Variants in MBTD1 observed in about 807,000 individuals in gnomAD.
MBTD1 encodes mbt domain containing 1, also known as MBT domain-containing protein 1.
In MBTD1, 24 loss-of-function variants were observed where a neutral mutation model predicts 87.8. The ratio of observed to expected loss-of-function variants is 0.27; its 90% CI spans 0.20 to 0.38. MBTD1 has a LOEUF of 0.38. Among genes scored for constraint, MBTD1 ranks in the 10% least tolerant of loss-of-function variants. MBTD1 has a pLI of 1.00. For synonymous variants in MBTD1, 237 were observed against 248.6 expected, an observed-to-expected ratio of 0.95 and a Z score of 0.44; for missense variants, 436 against 760.2, an observed-to-expected ratio of 0.57 and a Z score of 5.02.
chr17:51,218,597 T>C (rs1020439129), intron 5 of MBTD1, among the ~76,000 whole-genome samples: 4 of 150,948 alleles, frequency 2.6e-5, no homozygotes, highest in Non-Finnish European at 5.9e-5. Context: ...CTCTTACTAC[T>C]CTTCTTCCCT....
chr17:51,188,688 G>A lies in MBTD1; in HGVS notation c.1768+3515C>T, dbSNP rs550778806. On this transcript the variant is annotated intron_variant, in intron 16 of 16. Transcript: ENST00000586178. ...AATAAGAGGCGGCGGCACCATTAGA[G>A]TGAAAACTGCTGCTTCTTAATACGG... Among the ~76,000 whole-genome samples, 10 of 150,850 alleles carry A rather than the reference G, an allele frequency of 6.6e-5. No homozygotes were observed. The South Asian group carries it at 2.1e-3, about 32-fold the overall frequency.
chr17:51,235,869 G>A (rs2053800469), intron 2 of MBTD1, among the ~76,000 whole-genome samples: 1 of 152,154 alleles, frequency 6.6e-6, no homozygotes, highest in African/African-American at 2.4e-5. Context: ...GAAGAACAAA[G>A]TTAAGACTAA....
rs71149353 is a variant in MBTD1, at chr17:51,210,757, AAACAACAACAAC to A, written c.487-3764_487-3753del. 2.9e-3 allele frequency among the ~76,000 whole-genome samples: 432 copies of A among 149,696 alleles called. 1 individual carries two copies. The South Asian group carries it at 0.035, about 12-fold the overall frequency. ...GGCAACAGAGCAAGACTCTGTCTCAAAACAACAACAACAACAACAACAACAACAACAACAACA... is the reference window on the plus strand; with the variant it reads ...GGCAACAGAGCAAGACTCTGTCTCAAAACAACAACAACAACAACAACAACA... On this transcript the variant is annotated intron_variant, in intron 6 of 16. Coordinates refer to ENST00000586178, the MANE Select transcript of MBTD1 (RefSeq NM_017643.3).
intron 2 of MBTD1, chr17:51,250,063 TAAAC>T (rs2054686229): frequency 6.7e-6 from 1 of 149,038 alleles, no homozygotes; most frequent in Non-Finnish European, 1.5e-5. Context: ...CCTGGCTAAT[TAAAC>T]ACTTTTTTTT....
At chr17:51,181,996 T>C (rs1164770387) in intron 16 of MBTD1, among the ~76,000 whole-genome samples, 1 of 152,148 alleles carries the variant, frequency 6.6e-6, no homozygotes, top group African/African-American at 2.4e-5. Context: ...TCTTTTGTGC[T>C]AACACATCCA....
At chr17:51,223,365 G>A (rs929518378) in intron 3 of MBTD1, among the ~76,000 whole-genome samples, 8 of 150,066 alleles carry the variant, frequency 5.3e-5, no homozygotes, top group African/African-American at 1.5e-4. Context: ...AAAATTGCCC[G>A]TCTCTGAAAA....
intron 3 of MBTD1, among the ~76,000 whole-genome samples, chr17:51,223,932 C>A (rs1598376556): frequency 6.6e-6 from 1 of 152,192 alleles, no homozygotes; most frequent in East Asian, 1.9e-4. Context: ...AAGTTAACTG[C>A]AGTAAGACTG....
chr17:51,259,828 C>G lies in MBTD1; in HGVS notation c.-113+7G>C. The G allele has an allele frequency of 5.7e-6, 7 of 1,232,466 alleles. No homozygotes were observed. Among genetic ancestry groups the G allele is most frequent in the Non-Finnish European group, 7.1e-6 (7 of 988,292 alleles). The allele number at this position is 1,232,466 out of a possible 1,614,324, so 76.3% of individuals were successfully genotyped here. On this transcript the variant is annotated splice_region_variant and intron_variant, in intron 1 of 16. Coordinates refer to ENST00000586178, the MANE Select transcript of MBTD1 (RefSeq NM_017643.3). ...CACACAAAGCGGCTGCCGCGCTCGG[C>G]TCTCACCAGATCCTTTGTGTTTTCC...
chr17:51,239,368 T>A (rs1011997165), intron 2 of MBTD1, among the ~76,000 whole-genome samples: 1 of 152,224 alleles, frequency 6.6e-6, no homozygotes, highest in Non-Finnish European at 1.5e-5. Context: ...GGTTATAGGT[T>A]TTTACCATAA....
intron 2 of MBTD1, among the ~76,000 whole-genome samples, chr17:51,255,760 A>ATTTTTGTAATTT (rs2055052721): frequency 6.6e-6 from 1 of 151,802 alleles, no homozygotes; most frequent in Admixed American, 6.6e-5. Context: ...ACCACACCTA[A>ATTTTTGTAATTT]TTTTTGTAAT....
intron 2 of MBTD1, among the ~76,000 whole-genome samples, chr17:51,248,403 C>A (rs78896933): frequency 0.01 from 1,544 of 152,230 alleles, 35 homozygotes; most frequent in African/African-American, 0.035. Flanking sequence ...TTCTTATCAT[C>A]ATTTTCCAGA....
chr17:51,215,927 AT>A (rs35988235), intron 6 of MBTD1, among the ~76,000 whole-genome samples: 1,198 of 114,180 alleles, frequency 0.01, 6 homozygotes, highest in African/African-American at 0.028. Context: ...TAAAGCCCTA[AT>A]TTTTTTTTTT....
At chr17:51,208,097 CTCCTACTTTGGTGGAT>C (rs1352251893) in intron 6 of MBTD1, among the ~76,000 whole-genome samples, 1 of 152,232 alleles carries the variant, frequency 6.6e-6, no homozygotes, top group African/African-American at 2.4e-5. Context: ...TGCAAGGCCC[CTCCTACTTTGGTGGAT>C]GCTCACCCAA....
At position 51,181,665 on chromosome 17, in the gene MBTD1, C is replaced by T. The variant is rs541835199; in HGVS notation, c.1769-971G>A. 7.9e-5 allele frequency among the ~76,000 whole-genome samples: 12 copies of T among 152,162 alleles called. 1 individual carries two copies. The South Asian group carries it at 2.5e-3, about 32-fold the overall frequency. ...GAGTGAGACCCTGTGTACCTCTCCT[C>T]CTACCAAGAAAAACTAATATTAAAC... On this transcript the variant is annotated intron_variant, in intron 16 of 16. Coordinates refer to ENST00000586178, the MANE Select transcript of MBTD1 (RefSeq NM_017643.3).
intron 2 of MBTD1, among the ~76,000 whole-genome samples, chr17:51,229,294 TAC>T (rs1210534308): frequency 1.3e-5 from 2 of 152,116 alleles, no homozygotes; most frequent in Non-Finnish European, 2.9e-5. Flanking sequence ...GCTACACAGA[TAC>T]AGTTTTTTTT....
chr17:51,252,082 T>C (rs2144218499), intron 2 of MBTD1, among the ~76,000 whole-genome samples: 1 of 152,344 alleles, frequency 6.6e-6, no homozygotes, highest in African/African-American at 2.4e-5. Flanking sequence ...ACTATTTTTG[T>C]TACTGATCTG....
At chr17:51,181,411 CA>C (rs2050308464) in intron 16 of MBTD1, among the ~76,000 whole-genome samples, 1 of 151,690 alleles carries the variant, frequency 6.6e-6, no homozygotes, top group Admixed American at 6.6e-5. Context: ...TTATAAATTA[CA>C]TAAGGATGTA....
intron 2 of MBTD1, among the ~76,000 whole-genome samples, chr17:51,258,892 C>G (rs1056960172): frequency 2.0e-5 from 3 of 152,204 alleles, no homozygotes; most frequent in Non-Finnish European, 2.9e-5. Flanking sequence ...TCTCAACCCC[C>G]CTTCCTCCAC....
At chr17:51,196,922 T>C (rs1322850481) in intron 12 of MBTD1, among the ~76,000 whole-genome samples, 1 of 150,836 alleles carries the variant, frequency 6.6e-6, no homozygotes, top group African/African-American at 2.4e-5. Flanking sequence ...TCCTTTGAAA[T>C]AGGTTCAAGG....
Sources: allele counts gnomAD v4.1 joint callset (sites outside exome capture counted in the v4.1 genomes callset), GRCh38; gene constraint gnomAD v4.1.1; transcripts MANE v1.5; gene names NCBI Gene and HGNC (gene_info 2026-07-23, HGNC 2026-07-21).